DPP6: variants seen among roughly 807,000 people sequenced by gnomAD.
DPP6 encodes dipeptidyl peptidase like 6.
Under a neutral mutation model 122.6 loss-of-function variants are expected in DPP6, and 69 were observed. The ratio of observed to expected loss-of-function variants is 0.56; its 90% CI spans 0.46 to 0.69. The LOEUF is 0.69. Ranked by LOEUF, DPP6 falls within the 30% of genes least tolerant of loss-of-function variation. The pLI is 0.00. For synonymous variants in DPP6, 418 were observed against 433.1 expected, an observed-to-expected ratio of 0.97 and a Z score of 0.43; for missense variants, 928 against 1,116.9, an observed-to-expected ratio of 0.83 and a Z score of 2.41.
At chr7:153,753,754 G>A in the DPP6 span, among the ~76,000 whole-genome samples, 5 of 152,070 alleles carry the variant, frequency 3.3e-5, no homozygotes, top group Admixed American at 6.6e-5. Context: ...CTCAACTAAC[G>A]AAATCCCTTC....
intron 1 of DPP6, among the ~76,000 whole-genome samples, chr7:154,171,196 A>G (rs1455093149): frequency 2.0e-5 from 3 of 152,202 alleles, no homozygotes; most frequent in East Asian, 1.9e-4. Flanking sequence ...CAGGTAAAGG[A>G]TTGGGACAGA....
intron 1 of DPP6, among the ~76,000 whole-genome samples, chr7:154,060,075 T>C (rs1399066893): frequency 7.3e-6 from 1 of 136,974 alleles, no homozygotes; most frequent in Non-Finnish European, 1.6e-5. Context: ...CCCTGGCTCT[T>C]GGGACCACCA....
At position 154,020,741 on chromosome 7, in the gene DPP6, G is replaced by A. The variant is rs183281989; in HGVS notation, c.51+133007G>A. 2.3e-3 allele frequency among the ~76,000 whole-genome samples: 344 copies of A among 152,256 alleles called. 2 individuals carry two copies. Among genetic ancestry groups the A allele is most frequent in the East Asian group, 0.017 (88 of 5,166 alleles). On this transcript the variant is annotated intron_variant, in intron 1 of 25. Transcript: ENST00000404039. ...CCAAAACAGATCAGAGACCTGCTAT[G>A]TAACACATGGGGCAAGTGCAAGAGT...
intron 1 of DPP6, among the ~76,000 whole-genome samples, chr7:153,909,212 A>G (rs1163589682): frequency 2.0e-5 from 3 of 152,120 alleles, no homozygotes; most frequent in Non-Finnish European, 4.4e-5. Flanking sequence ...CTGAGGTTCT[A>G]CCTCTGGGCA....
At chr7:154,204,822 C>T (rs10233490) in intron 1 of DPP6, among the ~76,000 whole-genome samples, 124,552 of 151,930 alleles carry the variant, frequency 0.82, 51,197 homozygotes, top group Non-Finnish European at 0.85. Context: ...AGTATGTGTA[C>T]CTGCATGTGT....
chr7:154,137,641 T>TGG (rs1221969502), intron 1 of DPP6, among the ~76,000 whole-genome samples: 44 of 27,268 alleles, frequency 1.6e-3, no homozygotes, highest in Admixed American at 2.8e-3. Flanking sequence ...GAGGAGATGG[T>TGG]GGGGGGGGTG....
At chr7:154,680,515 G>A (rs143542687) in intron 7 of DPP6, among the ~76,000 whole-genome samples, 98 of 152,220 alleles carry the variant, frequency 6.4e-4, no homozygotes, top group African/African-American at 2.3e-3. Flanking sequence ...GGAGCATGGA[G>A]CATATATCAT....
At chr7:154,229,103 C>G (rs900641527) in intron 1 of DPP6, among the ~76,000 whole-genome samples, 6 of 152,086 alleles carry the variant, frequency 3.9e-5, no homozygotes, top group Non-Finnish European at 8.8e-5. Flanking sequence ...AGCTTTGGCT[C>G]TCTCATAATA....
intron 1 of DPP6, among the ~76,000 whole-genome samples, chr7:154,200,278 T>A (rs753952354): frequency 3.3e-5 from 5 of 152,198 alleles, no homozygotes; most frequent in Admixed American, 2.0e-4. Flanking sequence ...TCATATAATT[T>A]GTAAAGAGCA....
At chr7:154,055,753 ACT>A (rs1268983767) in intron 1 of DPP6, 1 of 151,762 alleles carries the variant, frequency 6.6e-6, no homozygotes, top group Non-Finnish European at 1.5e-5. Flanking sequence ...AATCTCCATC[ACT>A]CTTGCCTTTT....
At chr7:154,702,927 A>G (rs1840605013) in intron 7 of DPP6, among the ~76,000 whole-genome samples, 1 of 152,240 alleles carries the variant, frequency 6.6e-6, no homozygotes, top group South Asian at 2.1e-4. Flanking sequence ...TAAAGCTTCA[A>G]AGGACAGGCT....
At chr7:153,874,245 C>T in the DPP6 span, among the ~76,000 whole-genome samples, 230 of 130,880 alleles carry the variant, frequency 1.8e-3, no homozygotes, top group Non-Finnish European at 2.8e-3. Flanking sequence ...AGCGCGCGTG[C>T]GCACATGCAC....
In DPP6 at chr7:154,199,887, C is replaced by T. The variant is rs190523666; in HGVS notation, c.243+146824C>T. Among the ~76,000 whole-genome samples the T allele has an allele frequency of 1.1e-3, 168 of 152,208 alleles. 1 individual carries two copies. The highest frequency in any genetic ancestry group is 3.8e-3 in the African/African-American group (159 of 41,528). On this transcript the variant is annotated intron_variant, in intron 1 of 25. Coordinates refer to ENST00000377770, the MANE Select transcript of DPP6 (RefSeq NM_130797.4). ...CCTCCCAAAGTGCTGGGATTACAGG[C>T]GTGAGCCACCATGCCCTGCTTTCTC...
intron 2 of DPP6, among the ~76,000 whole-genome samples, chr7:154,456,110 A>T (rs1172513275): frequency 6.6e-6 from 1 of 152,230 alleles, no homozygotes; most frequent in Non-Finnish European, 1.5e-5. Flanking sequence ...CTGTGATATA[A>T]TAAAATCGGA....
intron 1 of DPP6, among the ~76,000 whole-genome samples, chr7:154,232,121 G>A (rs1324881747): frequency 6.6e-6 from 1 of 152,154 alleles, no homozygotes; most frequent in Non-Finnish European, 1.5e-5. Context: ...AAGAGGATAG[G>A]ACAAGCTGAT....
chr7:153,868,670 T>C, the DPP6 span, among the ~76,000 whole-genome samples: 1 of 152,216 alleles, frequency 6.6e-6, no homozygotes, highest in Admixed American at 6.5e-5. Flanking sequence ...GCTCTGATCT[T>C]AGTTATTTCT....
At chr7:153,920,441 G>A (rs1800577373) in intron 1 of DPP6, among the ~76,000 whole-genome samples, 1 of 152,110 alleles carries the variant, frequency 6.6e-6, no homozygotes, top group Admixed American at 6.6e-5. Flanking sequence ...AAGACAAGAG[G>A]CCTCAAAGCA....
intron 5 of DPP6, among the ~76,000 whole-genome samples, chr7:154,574,827 T>A (rs1831420135): frequency 7.7e-6 from 1 of 130,520 alleles, no homozygotes; most frequent in South Asian, 2.8e-4. Context: ...GTTTGTGTGG[T>A]GTGTGGGGTG....
At chr7:154,138,480 C>G (rs575577520) in intron 1 of DPP6, among the ~76,000 whole-genome samples, 98 of 152,334 alleles carry the variant, frequency 6.4e-4, no homozygotes, top group African/African-American at 2.3e-3. Context: ...TCAAGAACAG[C>G]TCAAATGGAA....
Sources: gnomAD v4.1 joint callset for allele counts (sites outside exome capture counted in the v4.1 genomes callset) on GRCh38, gnomAD v4.1.1 for gene constraint, MANE v1.5 for transcripts, NCBI Gene and HGNC (gene_info 2026-07-23, HGNC 2026-07-21) for gene names.